FHIT: variants seen among roughly 807,000 people sequenced by gnomAD.
FHIT encodes the protein bis(5'-adenosyl)-triphosphatase.
A neutral mutation model predicts 17.9 loss-of-function variants in FHIT; 19 were observed. The observed-to-expected ratio is 1.06, with a 90% CI of 0.74 to 1.56. The LOEUF (loss-of-function observed/expected upper bound fraction) is 1.56. Ranked by LOEUF, FHIT falls within the 40% of genes most tolerant of loss-of-function variation. The pLI is 0.00. For missense variants in FHIT, 248 were observed against 189.2 expected (o/e 1.31, Z -1.82); for synonymous variants, 81 against 69.7 (o/e 1.16, Z -0.81).
chr3:59,907,630 G>T (rs1334036533), intron 8 of FHIT, among the ~76,000 whole-genome samples: 1 of 152,194 alleles, frequency 6.6e-6, no homozygotes, highest in Non-Finnish European at 1.5e-5. Context: ...CACTGGGGCA[G>T]GGTGTGCTCT....
chr3:59,996,192 A>T (rs1699504789), intron 7 of FHIT, among the ~76,000 whole-genome samples: 1 of 151,982 alleles, frequency 6.6e-6, no homozygotes, highest in Admixed American at 6.6e-5. Flanking sequence ...AGCAGGGGGT[A>T]TTATTATTCC....
chr3:60,918,551 G>A (rs1307455103), intron 3 of FHIT, among the ~76,000 whole-genome samples: 1 of 152,186 alleles, frequency 6.6e-6, no homozygotes, highest in Non-Finnish European at 1.5e-5. Context: ...GAGTTCTGAG[G>A]AGGAGAGATT....
At chr3:60,042,929 T>C (rs914075565) in intron 5 of FHIT, among the ~76,000 whole-genome samples, 1 of 152,180 alleles carries the variant, frequency 6.6e-6, no homozygotes, top group Non-Finnish European at 1.5e-5. Context: ...TTTCCCTGGC[T>C]GTTTGTTACC....
chr3:60,207,443 A>G (rs1284841529), intron 5 of FHIT, among the ~76,000 whole-genome samples: 1 of 152,012 alleles, frequency 6.6e-6, no homozygotes, highest in Non-Finnish European at 1.5e-5. Context: ...TTTTCTTACT[A>G]TATCTGTATT....
At chr3:59,944,712 GTTTC>G (rs1379506226) in intron 7 of FHIT, among the ~76,000 whole-genome samples, 20 of 151,922 alleles carry the variant, frequency 1.3e-4, no homozygotes, top group African/African-American at 4.6e-4. Flanking sequence ...GGTGTCTATT[GTTTC>G]TTTCTCTGTA....
chr3:60,985,705 GC>G (rs1488539428), intron 3 of FHIT, among the ~76,000 whole-genome samples: 1 of 152,194 alleles, frequency 6.6e-6, no homozygotes, highest in African/African-American at 2.4e-5. Flanking sequence ...GTAAATTATG[GC>G]CTGAGATTTT....
intron 5 of FHIT, among the ~76,000 whole-genome samples, chr3:60,211,899 T>C (rs955560441): frequency 1.3e-5 from 2 of 152,206 alleles, no homozygotes; most frequent in Non-Finnish European, 2.9e-5. Context: ...TCGCTTTTCA[T>C]ATGATGAGGC....
intron 4 of FHIT, among the ~76,000 whole-genome samples, chr3:60,697,537 G>A (rs1553700917): frequency 6.6e-6 from 1 of 152,066 alleles, no homozygotes; most frequent in South Asian, 2.1e-4. Flanking sequence ...CTTTTTCTCT[G>A]AAATTCAGAT....
rs181954640 is a variant in FHIT, at chr3:60,927,191, G to C, written c.-110-105180C>G. On this transcript the variant is annotated intron_variant, in intron 3 of 9. Transcript: ENST00000492590. ...GTTTTTGTATTTTTTGGTGGAGACG[G>C]GGTTTCGCCGTGTTGGCCGGGCTGG... Among the ~76,000 whole-genome samples the C allele has an allele frequency of 1.7e-3, 258 of 152,284 alleles. 1 individual carries two copies. The highest frequency in any genetic ancestry group is 5.9e-3 in the African/African-American group (246 of 41,566).
At chr3:59,779,136 G>T (rs1353103091) in intron 8 of FHIT, among the ~76,000 whole-genome samples, 2 of 152,196 alleles carry the variant, frequency 1.3e-5, no homozygotes, top group Non-Finnish European at 2.9e-5. Flanking sequence ...ATCCAAGTTT[G>T]CAGACTCCAT....
At chr3:60,371,516 C>T (rs1700328617) in intron 5 of FHIT, among the ~76,000 whole-genome samples, 1 of 152,012 alleles carries the variant, frequency 6.6e-6, no homozygotes, top group Non-Finnish European at 1.5e-5. Flanking sequence ...TGCCACTGAA[C>T]CTGGCTCTCA....
chr3:60,288,521 G>A (rs550249662), intron 5 of FHIT, among the ~76,000 whole-genome samples: 5 of 151,678 alleles, frequency 3.3e-5, no homozygotes, highest in African/African-American at 7.3e-5. Context: ...CTTGCTCCAC[G>A]AATTGCAAAC....
intron 8 of FHIT, among the ~76,000 whole-genome samples, chr3:59,800,933 C>T (rs556633994): frequency 2.1e-4 from 32 of 152,148 alleles, no homozygotes; most frequent in Middle Eastern, 3.2e-3. Flanking sequence ...TTTATCAGCT[C>T]GTGAAATTCC....
intron 4 of FHIT, among the ~76,000 whole-genome samples, chr3:60,778,605 G>T (rs1398382877): frequency 1.3e-5 from 2 of 152,166 alleles, no homozygotes; most frequent in Non-Finnish European, 2.9e-5. Context: ...AATTGAGTAA[G>T]GTATACTCCT....
intron 5 of FHIT, among the ~76,000 whole-genome samples, chr3:60,073,442 C>A (rs1005045286): frequency 1.3e-5 from 2 of 152,058 alleles, no homozygotes; most frequent in African/African-American, 4.8e-5. Flanking sequence ...CAACAAACAG[C>A]CCCAGAATCT....
At chr3:60,737,450 C>T (rs1431936654) in intron 4 of FHIT, among the ~76,000 whole-genome samples, 1 of 152,168 alleles carries the variant, frequency 6.6e-6, no homozygotes, top group Non-Finnish European at 1.5e-5. Flanking sequence ...ATTCCGTTTA[C>T]AAATATCTAA....
At chr3:60,446,086 C>T (rs2031310976) in intron 5 of FHIT, among the ~76,000 whole-genome samples, 1 of 151,976 alleles carries the variant, frequency 6.6e-6, no homozygotes, top group Non-Finnish European at 1.5e-5. Context: ...ATGGACCAAG[C>T]CAGGAGTGAA....
intron 5 of FHIT, among the ~76,000 whole-genome samples, chr3:60,262,031 C>T (rs574465234): frequency 1.3e-5 from 2 of 152,114 alleles, no homozygotes; most frequent in African/African-American, 2.4e-5. Flanking sequence ...AAAACATGTA[C>T]ATTTCCCTAT....
chr3:60,919,111 G>C (rs1707150885), intron 3 of FHIT, among the ~76,000 whole-genome samples: 1 of 152,128 alleles, frequency 6.6e-6, no homozygotes, highest in African/African-American at 2.4e-5. Context: ...GAAAAGAGAA[G>C]AAAGTTAAGC....
Sources: gnomAD v4.1 joint callset for allele counts (sites outside exome capture counted in the v4.1 genomes callset) on GRCh38, gnomAD v4.1.1 for gene constraint, MANE v1.5 for transcripts, NCBI Gene and HGNC (gene_info 2026-07-23, HGNC 2026-07-21) for gene names.